UGGT2: variants seen among roughly 807,000 people sequenced by gnomAD.
The protein encoded by UGGT2 is UDP-glucose glycoprotein glucosyltransferase 2.
UGGT2 carries 180 observed loss-of-function variants against 192.1 expected under a neutral mutation model. The ratio of observed to expected loss-of-function variants is 0.94; its 90% CI spans 0.83 to 1.06. The LOEUF is 1.06. UGGT2 is among the 50% of genes least tolerant of loss of function. The pLI is 0.00. For synonymous variants in UGGT2, 580 were observed against 591.0 expected (o/e 0.98, Z 0.27); for missense variants, 1,849 against 1,795.7 (o/e 1.03, Z -0.54).
chr13:95,896,413 T>C (rs750501527), intron 22 of UGGT2, among the ~76,000 whole-genome samples: 8 of 152,104 alleles, frequency 5.3e-5, no homozygotes, highest in Non-Finnish European at 2.9e-5. Context: ...AAAGTACTCA[T>C]ATAAACATTT....
At chr13:95,949,921 T>C (rs186119073) in intron 12 of UGGT2, among the ~76,000 whole-genome samples, 13 of 152,258 alleles carry the variant, frequency 8.5e-5, no homozygotes, top group African/African-American at 2.9e-4. Context: ...GGAGAAAACA[T>C]ATAAACTGCT....
At chr13:95,984,579 T>C (rs543229746) in intron 9 of UGGT2, among the ~76,000 whole-genome samples, 2 of 152,174 alleles carry the variant, frequency 1.3e-5, no homozygotes, top group Non-Finnish European at 2.9e-5. Context: ...ACCCTCCTAC[T>C]GCCACCTCCC....
chr13:95,801,722 T>G lies in UGGT2; in HGVS notation c.*68A>C, dbSNP rs577253368. ...ACTTCCAAATCGTCTCAGCAGGGGCTCCAGACTTCCCCAGCAGGCGGCAGG... is the reference window on the plus strand; with the variant it reads ...ACTTCCAAATCGTCTCAGCAGGGGCGCCAGACTTCCCCAGCAGGCGGCAGG... On this transcript the variant is annotated 3_prime_UTR_variant, in exon 39 of 39. Coordinates refer to ENST00000376747, the MANE Select transcript of UGGT2 (RefSeq NM_020121.4). 1.9e-6 allele frequency: 3 copies of G among 1,564,254 alleles called. No individual in the cohort carries two copies. Among genetic ancestry groups the G allele is most frequent in the East Asian group, 4.5e-5 (2 of 44,356 alleles).
intron 36 of UGGT2, among the ~76,000 whole-genome samples, chr13:95,845,476 C>G (rs192221190): frequency 6.7e-6 from 1 of 149,686 alleles, no homozygotes; most frequent in Non-Finnish European, 1.5e-5. Flanking sequence ...TCAGAGAGCA[C>G]GGGGTTGGGG....
intron 13 of UGGT2, among the ~76,000 whole-genome samples, chr13:95,949,048 T>G (rs2049973557): frequency 6.6e-6 from 1 of 152,116 alleles, no homozygotes. Flanking sequence ...GCCATGACTG[T>G]AAGTTTCCTG....
chr13:95,828,396 A>C (rs1159983491), intron 38 of UGGT2, among the ~76,000 whole-genome samples: 2 of 152,218 alleles, frequency 1.3e-5, no homozygotes, highest in Non-Finnish European at 2.9e-5. Flanking sequence ...GTTTTTTGAA[A>C]AGATCAACAA....
intron 20 of UGGT2, among the ~76,000 whole-genome samples, chr13:95,912,434 A>G (rs951812576): frequency 2.6e-5 from 4 of 152,174 alleles, no homozygotes; most frequent in Non-Finnish European, 4.4e-5. Flanking sequence ...GCATTCCTAT[A>G]CACCATTAAC....
chr13:95,828,908 C>T (rs1886346537), intron 38 of UGGT2, among the ~76,000 whole-genome samples: 1 of 152,060 alleles, frequency 6.6e-6, no homozygotes, highest in Admixed American at 6.6e-5. Flanking sequence ...AACATCAATG[C>T]AAAAATCTTC....
chr13:95,853,849 G>T (rs1889304429), intron 35 of UGGT2, among the ~76,000 whole-genome samples, 192 bp from the exon 36 acceptor site: 1 of 152,022 alleles, frequency 6.6e-6, no homozygotes, highest in African/African-American at 2.4e-5. Context: ...TTTTAATTTT[G>T]GTAGAACCCA....
chr13:95,946,618 G>T (rs530773394), intron 15 of UGGT2, among the ~76,000 whole-genome samples: 7 of 152,202 alleles, frequency 4.6e-5, no homozygotes, highest in African/African-American at 1.7e-4. Context: ...CGATCCTCCT[G>T]CCTTGGCCTC....
chr13:95,861,717 A>G (rs939420298), intron 31 of UGGT2, among the ~76,000 whole-genome samples: 1 of 152,132 alleles, frequency 6.6e-6, no homozygotes, highest in Admixed American at 6.6e-5. Context: ...ATCACCATCA[A>G]AGTTATTTTG....
intron 26 of UGGT2, among the ~76,000 whole-genome samples, chr13:95,885,436 T>TC (rs2047618037): frequency 6.6e-6 from 1 of 152,176 alleles, no homozygotes; most frequent in African/African-American, 2.4e-5. Flanking sequence ...TTGCAGTTAC[T>TC]TCCCAAAAAG....
intron 37 of UGGT2, 59 bp from the exon 38 acceptor site, chr13:95,833,112 A>G (rs1175630650): frequency 6.3e-7 from 1 of 1,575,494 alleles, no homozygotes; most frequent in African/African-American, 1.4e-5. Context: ...CATAAGGACA[A>G]TGCTGTGTCA....
intron 38 of UGGT2, among the ~76,000 whole-genome samples, chr13:95,832,366 T>C (rs1355604911): frequency 3.3e-5 from 5 of 152,052 alleles, no homozygotes; most frequent in East Asian, 1.9e-4. Flanking sequence ...ATTCAGCACA[T>C]TTGTTGAACA....
intron 2 of UGGT2, among the ~76,000 whole-genome samples, chr13:96,028,248 G>A (rs752432199): frequency 2.6e-5 from 4 of 152,156 alleles, no homozygotes; most frequent in East Asian, 3.8e-4. Flanking sequence ...AATGTGGCAC[G>A]TCCAAATTCC....
chr13:95,937,044 A>G lies in UGGT2; in HGVS notation c.1857T>C (p.Pro619=), dbSNP rs755786387. The part of the protein sequence containing the change: ...FYKMTGLGPL[P]QALYNGEPFK... Reference sequence around the variant, plus strand: ...AGGGTTCACCATTATAAAGAGCTTGAGGCAAAGGACCCAGGCCAGTCATCT... The same window carrying G: ...AGGGTTCACCATTATAAAGAGCTTGGGGCAAAGGACCCAGGCCAGTCATCT... The change falls in exon 17 of 39, where the codon CCT becomes CCC. Residue 619 remains proline, a synonymous_variant. Coordinates refer to ENST00000376747, the MANE Select transcript of UGGT2 (RefSeq NM_020121.4). 9 of 1,604,044 alleles carry G rather than the reference A, an allele frequency of 5.6e-6. No homozygotes were observed. In the South Asian group the frequency reaches 9.0e-5, roughly 16 times the overall value.
At chr13:96,003,942 G>C (rs2051888599) in intron 5 of UGGT2, among the ~76,000 whole-genome samples, 1 of 152,258 alleles carries the variant, frequency 6.6e-6, no homozygotes, top group East Asian at 1.9e-4. Context: ...AGGAAAGAAA[G>C]AAGGAAGAGA....
intron 25 of UGGT2, among the ~76,000 whole-genome samples, chr13:95,889,416 G>A (rs1400188803): frequency 6.6e-6 from 1 of 152,058 alleles, no homozygotes; most frequent in Non-Finnish European, 1.5e-5. Context: ...AGATTTGGCA[G>A]TGCGCACTAA....
intron 1 of UGGT2, among the ~76,000 whole-genome samples, chr13:96,036,138 G>A (rs2052994637): frequency 6.6e-6 from 1 of 152,126 alleles, no homozygotes; most frequent in Non-Finnish European, 1.5e-5. Flanking sequence ...CAATAGCGAA[G>A]ACATGGCATC....
Sources: gnomAD v4.1 joint callset for allele counts (sites outside exome capture counted in the v4.1 genomes callset) on GRCh38, gnomAD v4.1.1 for gene constraint, MANE v1.5 for transcripts, NCBI Gene and HGNC (gene_info 2026-07-23, HGNC 2026-07-21) for gene names.